ZNF527: variants seen among roughly 807,000 people sequenced by gnomAD.
The protein encoded by ZNF527 is zinc finger protein 527.
In ZNF527, 5 loss-of-function variants were observed where a neutral mutation model predicts 13.5. The ratio of observed to expected loss-of-function variants is 0.37; its 90% CI spans 0.19 to 0.78. The LOEUF is 0.78. Ranked by LOEUF, ZNF527 falls within the 30% of genes least tolerant of loss-of-function variation. The pLI, the probability that ZNF527 is intolerant of heterozygous loss-of-function variation, is 0.48. For synonymous variants in ZNF527, 209 were observed against 243.1 expected, an observed-to-expected ratio of 0.86 and a Z score of 1.30; for missense variants, 628 against 726.4, an observed-to-expected ratio of 0.86 and a Z score of 1.56.
At chr19:37,371,322 G>A (rs1413675980) in intron 1 of ZNF527, 96 bp downstream of exon 1, 1 of 152,302 alleles carries the variant, frequency 6.6e-6, no homozygotes, top group Non-Finnish European at 1.5e-5. Context: ...AGGAGTCGCT[G>A]GGGAGGCCGT....
At chr19:37,379,082 G>A in intron 2 of ZNF527, 38 bp from the exon 3 acceptor site, 1 of 1,613,846 alleles carries the variant, frequency 6.2e-7, no homozygotes, top group South Asian at 1.1e-5. Context: ...CCATATAGGT[G>A]TCTGGGCACC....
rs1357544589 is a variant in ZNF527, at chr19:37,390,810, G to C, written c.*931G>C. 6.6e-6 allele frequency: 1 copy of C among 152,076 alleles called. No individual in the cohort carries two copies. Among genetic ancestry groups the C allele is most frequent in the Non-Finnish European group, 1.5e-5 (1 of 68,014 alleles). The allele number at this position is 152,076 out of a possible 1,614,324, so 9.4% of individuals were successfully genotyped here. A position where few individuals can be genotyped will look rare whatever the true frequency, so the allele number is the denominator to read the frequency against. ...TTTTGCCTCATGGAATTAGAGTGCT[G>C]ATTCACACATTCTATGTTTGCTATA... On this transcript the variant is annotated 3_prime_UTR_variant, in exon 5 of 5. Transcript: ENST00000436120.
intron 2 of ZNF527, among the ~76,000 whole-genome samples, chr19:37,375,319 C>CTTTGT (rs1215439389): frequency 8.9e-6 from 1 of 112,492 alleles, no homozygotes; most frequent in Admixed American, 9.6e-5. Flanking sequence ...TCTTTTCTTT[C>CTTTGT]TTTCTTTCTT....
chr19:37,380,682 A>T (rs1470111109), intron 4 of ZNF527, among the ~76,000 whole-genome samples: 20 of 152,300 alleles, frequency 1.3e-4, no homozygotes, highest in Non-Finnish European at 2.9e-5. Context: ...AAAGATATGT[A>T]CACACAGTGT....
chr19:37,379,463 T>C (rs1176709580), intron 3 of ZNF527: 4 of 250,594 alleles, frequency 1.6e-5, no homozygotes, highest in African/African-American at 7.0e-5. Context: ...GTAATTTCTT[T>C]TTTTTTTTTT....
intron 2 of ZNF527, among the ~76,000 whole-genome samples, chr19:37,376,752 A>G (rs1482786497): frequency 6.6e-6 from 1 of 151,920 alleles, no homozygotes; most frequent in African/African-American, 2.4e-5. Context: ...GAACAAAGAC[A>G]GTGAATTTAG....
At chr19:37,387,728 A>G (rs1019421122) in intron 4 of ZNF527, among the ~76,000 whole-genome samples, 4 of 152,240 alleles carry the variant, frequency 2.6e-5, no homozygotes, top group African/African-American at 9.6e-5. Flanking sequence ...TCACTGAGAA[A>G]AAATATATAT....
rs556837426 is a variant in ZNF527 at position 37,391,717 on chromosome 19, T to C, written c.*1838T>C. On this transcript the variant is annotated 3_prime_UTR_variant, in exon 5 of 5. Transcript: ENST00000436120. ...AGTCATTTTTAACAAATGGTAAAAG[T>C]AAAGCAGTTAATGCCTAAAATTTTT... 9.1e-4 allele frequency: 139 copies of C among 152,276 alleles called. No homozygotes were observed. Among genetic ancestry groups the C allele is most frequent in the African/African-American group, 3.2e-3 (131 of 41,576 alleles). The allele number at this position is 152,276 out of a possible 1,614,324, so 9.4% of individuals were successfully genotyped here.
At position 37,383,037 on chromosome 19, in the gene ZNF527, C is replaced by T. The variant is rs143821219; in HGVS notation, c.256+2665C>T. Among the ~76,000 whole-genome samples, 714 of 152,192 alleles carry T rather than the reference C, an allele frequency of 4.7e-3. 2 individuals carry two copies. Among genetic ancestry groups the T allele is most frequent in the South Asian group, 7.1e-3 (34 of 4,822 alleles). Reference sequence around the variant, plus strand: ...TACGTAGTTTTATAAGGAATTGCTACATTCCCCTCCAGAAAAGTTGTCTGC... The same window carrying T: ...TACGTAGTTTTATAAGGAATTGCTATATTCCCCTCCAGAAAAGTTGTCTGC... On this transcript the variant is annotated intron_variant, in intron 4 of 4. Transcript: ENST00000436120.
Position 37,389,644 on chromosome 19 carries a change from G to T in ZNF527, c.1595G>T (p.Gly532Val). The T allele has an allele frequency of 6.2e-7, 1 of 1,613,988 alleles. No individual in the cohort carries two copies. Among genetic ancestry groups the T allele is most frequent in the Non-Finnish European group, 8.5e-7 (1 of 1,179,994 alleles). The change falls in exon 5 of 5, where the codon GGA (glycine) becomes GTA (valine). Residue 532 changes from glycine to valine, a missense_variant. Gly to Val is a moderately radical substitution (Grantham distance 109). Coordinates refer to ENST00000436120, the MANE Select transcript of ZNF527 (RefSeq NM_032453.2). ...GEKPYECNKC[G>V]KAFSCGSYLN... ...AAACCCTATGAATGTAACAAATGTG[G>T]AAAGGCCTTCAGTTGTGGCTCATAT... is the stretch of plus-strand genomic sequence containing the variant.
chr19:37,388,214 C>A, intron 4 of ZNF527, 92 bp from the exon 5 acceptor site: 1 of 1,442,114 alleles, frequency 6.9e-7, no homozygotes, highest in Non-Finnish European at 9.4e-7. Flanking sequence ...ACCCTCCTTC[C>A]CCCCAGTTAA....
At chr19:37,380,480 A>G in intron 4 of ZNF527, 108 bp downstream of exon 4, 1 of 847,032 alleles carries the variant, frequency 1.2e-6, no homozygotes, top group East Asian at 2.7e-5. Context: ...AAATCTCCAT[A>G]GTATGTGCTT....
intron 4 of ZNF527, among the ~76,000 whole-genome samples, chr19:37,380,685 C>T (rs1259783727): frequency 6.6e-6 from 1 of 152,050 alleles, no homozygotes; most frequent in Non-Finnish European, 1.5e-5. Flanking sequence ...GATATGTACA[C>T]ACAGTGTTTA....
chr19:37,380,401 A>G (rs749695152), intron 4 of ZNF527, 29 bp downstream of exon 4: 7 of 1,599,174 alleles, frequency 4.4e-6, no homozygotes, highest in Non-Finnish European at 6.0e-6. Context: ...GGCAGGGAGG[A>G]CTATTGTAAG....
intron 2 of ZNF527, among the ~76,000 whole-genome samples, chr19:37,375,497 G>A (rs1174661240): frequency 6.6e-6 from 1 of 151,132 alleles, no homozygotes; most frequent in Non-Finnish European, 1.5e-5. Flanking sequence ...GGGTAGCTGG[G>A]ACTATAGGCA....
rs758721403 is a variant in ZNF527, at chr19:37,379,141, G to A, written c.55G>A (p.Val19Met). 5.6e-6 allele frequency: 9 copies of A among 1,614,140 alleles called. No individual in the cohort carries two copies. Among genetic ancestry groups the A allele is most frequent in the Non-Finnish European group, 7.6e-6 (9 of 1,180,010 alleles). The stretch of plus-strand genomic sequence containing the variant: ...TCAGGGGTTGGTGACCTTCAGAGAT[G>A]TGGCGCTAGACTTTTCCCAAGAAGA... ...MSQGLVTFRD[V>M]ALDFSQEEWE... is the part of the protein sequence containing the mutation. The change falls in exon 3 of 5, where the codon GTG (valine) becomes ATG (methionine). Residue 19 changes from valine (V) to methionine (M), a missense_variant. Coordinates refer to ENST00000436120, the MANE Select transcript of ZNF527 (RefSeq NM_032453.2).
chr19:37,381,276 A>G (rs2040651745), intron 4 of ZNF527, among the ~76,000 whole-genome samples: 1 of 152,040 alleles, frequency 6.6e-6, no homozygotes, highest in Non-Finnish European at 1.5e-5. Flanking sequence ...CTTACCATCA[A>G]TTGTCTGAGT....
chr19:37,387,842 A>G (rs2040712769), intron 4 of ZNF527, among the ~76,000 whole-genome samples: 1 of 152,214 alleles, frequency 6.6e-6, no homozygotes, highest in African/African-American at 2.4e-5. Flanking sequence ...ATTTAACAAC[A>G]TGCTGACATT....
At chr19:37,384,791 G>C in intron 4 of ZNF527, 3 of 557,844 alleles carry the variant, frequency 5.4e-6, no homozygotes, top group Non-Finnish European at 9.8e-6. Flanking sequence ...ATCTTTCCAG[G>C]AATGCATTGT....
Sources: allele counts gnomAD v4.1 joint callset (sites outside exome capture counted in the v4.1 genomes callset), GRCh38; gene constraint gnomAD v4.1.1; transcripts MANE v1.5; gene names NCBI Gene and HGNC (gene_info 2026-07-23, HGNC 2026-07-21).